Variants in SLC24A2 observed in about 807,000 individuals in gnomAD.
SLC24A2 encodes the protein sodium/potassium/calcium exchanger 2.
Under a neutral mutation model 62.0 loss-of-function variants are expected in SLC24A2, and 36 were observed. That is an observed-to-expected ratio of 0.58 (90% CI 0.44 to 0.77). The LOEUF is 0.77. Among genes scored for constraint, SLC24A2 ranks in the 30% least tolerant of loss-of-function variants. The pLI, the probability that SLC24A2 is intolerant of heterozygous loss-of-function variation, is 0.00. For synonymous variants in SLC24A2, 358 were observed against 294.0 expected (o/e 1.22, Z -2.23); for missense variants, 846 against 817.9 (o/e 1.03, Z -0.42).
chr9:19,681,914 T>G (rs1819733848), intron 2 of SLC24A2, among the ~76,000 whole-genome samples: 1 of 152,156 alleles, frequency 6.6e-6, no homozygotes, highest in South Asian at 2.1e-4. Context: ...CGCAGAATAT[T>G]TGAGAGAGGT....
chr9:19,562,504 G>C (rs1005233196), intron 7 of SLC24A2, among the ~76,000 whole-genome samples: 1 of 152,132 alleles, frequency 6.6e-6, no homozygotes, highest in African/African-American at 2.4e-5. Flanking sequence ...AAACTCTAGA[G>C]TCTGATCTGT....
the SLC24A2 span, among the ~76,000 whole-genome samples, chr9:20,301,449 T>C: frequency 1.3e-5 from 2 of 152,200 alleles, no homozygotes; most frequent in East Asian, 1.9e-4. Flanking sequence ...TCCCCTTCTA[T>C]GTGTATACTT....
At chr9:19,822,973 A>G in the SLC24A2 span, among the ~76,000 whole-genome samples, 1 of 152,078 alleles carries the variant, frequency 6.6e-6, no homozygotes, top group African/African-American at 2.4e-5. Flanking sequence ...TCAGAGCTGC[A>G]CAGCTATCTA....
At chr9:19,710,930 G>A (rs1820697562) in intron 2 of SLC24A2, among the ~76,000 whole-genome samples, 1 of 152,220 alleles carries the variant, frequency 6.6e-6, no homozygotes, top group Non-Finnish European at 1.5e-5. Flanking sequence ...TGGAAGTTGG[G>A]AGATGATGGA....
intron 7 of SLC24A2, among the ~76,000 whole-genome samples, chr9:19,565,433 G>A (rs1835608254): frequency 6.6e-6 from 1 of 150,890 alleles, no homozygotes; most frequent in Non-Finnish European, 1.5e-5. Context: ...TCTGCAAGGA[G>A]AACTACAAAC....
At chr9:20,291,726 T>A in the SLC24A2 span, among the ~76,000 whole-genome samples, 2 of 152,180 alleles carry the variant, frequency 1.3e-5, no homozygotes, top group East Asian at 1.9e-4. Context: ...TAGAGGATCT[T>A]GAATGACAAC....
intron 2 of SLC24A2, among the ~76,000 whole-genome samples, chr9:19,647,095 CACACACACACACACAG>C (rs1818664541): frequency 6.7e-6 from 1 of 150,334 alleles, no homozygotes; most frequent in South Asian, 2.1e-4. Context: ...CACACACACA[CACACACACACACACAG>C]AGTCTCCCTG....
the SLC24A2 span, among the ~76,000 whole-genome samples, chr9:19,903,515 G>C: frequency 6.6e-6 from 1 of 152,156 alleles, no homozygotes; most frequent in African/African-American, 2.4e-5. Context: ...TCCATAGTAG[G>C]GAGGCATAAC....
chr9:19,640,278 T>C (rs1433240625), intron 2 of SLC24A2, among the ~76,000 whole-genome samples: 1 of 152,242 alleles, frequency 6.6e-6, no homozygotes, highest in Non-Finnish European at 1.5e-5. Context: ...GAGTACTCAC[T>C]GCATAAAGAA....
At chr9:19,575,546 T>C (rs1259698726) in intron 6 of SLC24A2, among the ~76,000 whole-genome samples, 1 of 152,366 alleles carries the variant, frequency 6.6e-6, no homozygotes, top group Non-Finnish European at 1.5e-5. Flanking sequence ...AAAGAAAATA[T>C]GAAAATAAAT....
the SLC24A2 span, among the ~76,000 whole-genome samples, chr9:20,110,407 C>T: frequency 3.1e-3 from 464 of 152,016 alleles, 2 homozygotes; most frequent in Non-Finnish European, 4.4e-3. Context: ...ATCAAATCAA[C>T]GCCAAAATAA....
the SLC24A2 span, among the ~76,000 whole-genome samples, chr9:20,186,466 G>C: frequency 1.1e-4 from 16 of 152,178 alleles, no homozygotes; most frequent in African/African-American, 3.9e-4. Flanking sequence ...GCTACCCCCA[G>C]ATTCTCAACC....
intron 2 of SLC24A2, among the ~76,000 whole-genome samples, chr9:19,688,211 C>A (rs1258523232): frequency 6.6e-6 from 1 of 151,944 alleles, no homozygotes; most frequent in African/African-American, 2.4e-5. Flanking sequence ...CGAAAAGAGC[C>A]CTGGATTTAG....
At chr9:20,099,149 T>C in the SLC24A2 span, among the ~76,000 whole-genome samples, 1 of 152,172 alleles carries the variant, frequency 6.6e-6, no homozygotes, top group Non-Finnish European at 1.5e-5. Flanking sequence ...TAACATGGCA[T>C]AGGTTTCCCA....
At chr9:19,796,770 A>AT in the SLC24A2 span, among the ~76,000 whole-genome samples, 2 of 152,040 alleles carry the variant, frequency 1.3e-5, no homozygotes, top group Non-Finnish European at 2.9e-5. Context: ...GATGGAATCT[A>AT]TTTTTTCTTT....
intron 2 of SLC24A2, among the ~76,000 whole-genome samples, chr9:19,772,268 G>A (rs1822712222): frequency 6.6e-6 from 1 of 152,088 alleles, no homozygotes. Context: ...TTAGCTTCAG[G>A]GGAACAATCT....
At chr9:19,962,028 C>T in the SLC24A2 span, among the ~76,000 whole-genome samples, 1 of 152,186 alleles carries the variant, frequency 6.6e-6, no homozygotes, top group Non-Finnish European at 1.5e-5. Flanking sequence ...AATTGTTATA[C>T]AGTAATAGAT....
At chr9:19,560,912 T>C (rs542282860) in intron 7 of SLC24A2, among the ~76,000 whole-genome samples, 1 of 50,108 alleles carries the variant, frequency 2.0e-5, no homozygotes, top group Non-Finnish European at 3.8e-5. Context: ...TATATATATA[T>C]ATATAGAGAG....
chr9:19,990,922 G>GAGATATATATATATATATAT, the SLC24A2 span, among the ~76,000 whole-genome samples: 7 of 120,814 alleles, frequency 5.8e-5, no homozygotes, highest in African/African-American at 2.5e-4. Context: ...GGACTAATAG[G>GAGATATATATATATATATAT]ATATATATAT....
Sources: allele counts gnomAD v4.1 joint callset (sites outside exome capture counted in the v4.1 genomes callset), GRCh38; gene constraint gnomAD v4.1.1; transcripts MANE v1.5; gene names NCBI Gene and HGNC (gene_info 2026-07-23, HGNC 2026-07-21).